Variants in GIT1 observed in about 807,000 individuals in gnomAD.
GIT1 encodes the protein ARF GTPase-activating protein GIT1.
GIT1 carries 14 observed loss-of-function variants against 91.7 expected under a neutral mutation model. The observed-to-expected ratio is 0.15, with a 90% CI of 0.10 to 0.24. The LOEUF (loss-of-function observed/expected upper bound fraction) is 0.24, where lower values mean the gene tolerates loss of function less well. Ranked by LOEUF, GIT1 falls within the 10% of genes least tolerant of loss-of-function variation. The pLI is 1.00. For synonymous variants in GIT1, 414 were observed against 418.2 expected, an observed-to-expected ratio of 0.99 and a Z score of 0.12; for missense variants, 717 against 1,024.9, an observed-to-expected ratio of 0.70 and a Z score of 4.10.
At position 29,578,763 on chromosome 17, in the gene GIT1, A is replaced by G; in HGVS notation, c.778T>C (p.Leu260=). The G allele has an allele frequency of 6.2e-7, 1 of 1,614,130 alleles. No individual in the cohort carries two copies. The highest frequency in any genetic ancestry group is 2.2e-5 in the East Asian group (1 of 44,884). ...QMADSLDLSE[L]AKAAKKKLQA... is the part of the protein sequence containing the mutation. The stretch of plus-strand genomic sequence containing the variant: ...AGCTTCTTCTTAGCAGCTTTGGCCA[A>G]TTCGGATAAGTCAAGGCTGAGGGCA... Residue 260 remains leucine (L), a synonymous_variant, in exon 8 of 20, where the codon TTG becomes CTG. Coordinates refer to ENST00000225394, the MANE Select transcript of GIT1 (RefSeq NM_014030.4).
intron 7 of GIT1, chr17:29,579,158 C>A: frequency 3.2e-6 from 2 of 629,814 alleles, no homozygotes; most frequent in South Asian, 3.8e-5. Context: ...CCCTCCTCCT[C>A]TGGCTTGCTC....
rs963255634 is a variant in GIT1 at position 29,583,689 on chromosome 17, G to A, written c.53-73C>T. 3.3e-5 allele frequency: 48 copies of A among 1,471,146 alleles called. No individual in the cohort carries two copies. In the Admixed American group the frequency reaches 6.8e-4, roughly 21 times the overall value. The allele number at this position is 1,471,146 out of a possible 1,614,324, so 91.1% of individuals were successfully genotyped here. On this transcript the variant is annotated intron_variant, in intron 1 of 19. Coordinates refer to ENST00000225394, the MANE Select transcript of GIT1 (RefSeq NM_014030.4). ...ACCTCCTGAGCACCTGCTCTGGCCC[G>A]TGCCAAGCCTAGTACTCTCCACACA...
In GIT1 at chr17:29,581,524, G is replaced by T. The variant is rs2033394946; in HGVS notation, c.719-144C>A. The T allele has an allele frequency of 6.8e-6, 5 of 735,780 alleles. No homozygotes were observed. In the South Asian group the frequency reaches 7.7e-5, roughly 11 times the overall value. 45.6% of individuals were successfully genotyped at this position (735,780 alleles called of 1,614,324 possible). On this transcript the variant is annotated intron_variant, in intron 6 of 19. Transcript: ENST00000225394. The surrounding 1 kb of genome is among the most constrained non-coding windows in gnomAD (Gnocchi z 4.8). ...GGGCAGGCCACCCCCAAGAATGCTG[G>T]GAGCTCGTGGGAGGATGCAGGATGC...
Position 29,582,754 on chromosome 17 carries a change from C to A in GIT1, c.349G>T (p.Val117Leu). The change falls in exon 4 of 20, where the codon GTG becomes TTG. Residue 117 changes from valine (V) to leucine (L), a missense_variant. Coordinates refer to ENST00000225394, the MANE Select transcript of GIT1 (RefSeq NM_014030.4). Reference sequence around the variant, plus strand: ...TCGTCCCGGCAGGGAAGCTTGTGCACAAATGCCAGCATCTGGTACTTGGCC... The same window carrying A: ...TCGTCCCGGCAGGGAAGCTTGTGCAAAAATGCCAGCATCTGGTACTTGGCC... ...IRAKYQMLAF[V>L]HKLPCRDDDG... 6.2e-7 allele frequency: 1 copy of A among 1,613,772 alleles called. No individual in the cohort carries two copies. Among genetic ancestry groups the A allele is most frequent in the East Asian group, 2.2e-5 (1 of 44,880 alleles).
At chr17:29,588,831 C>T (rs1428614472) in intron 1 of GIT1, among the ~76,000 whole-genome samples, 1 of 152,228 alleles carries the variant, frequency 6.6e-6, no homozygotes, top group Non-Finnish European at 1.5e-5. Flanking sequence ...GGTATTCAGG[C>T]CCCACTGGCG....
At chr17:29,579,074 C>A in intron 7 of GIT1, 1 of 1,205,898 alleles carries the variant, frequency 8.3e-7, no homozygotes. Context: ...CTTTTCACAT[C>A]AGGCCCAGAC....
intron 1 of GIT1, among the ~76,000 whole-genome samples, chr17:29,587,822 A>C (rs2033643160): frequency 6.6e-6 from 1 of 152,192 alleles, no homozygotes; most frequent in Non-Finnish European, 1.5e-5. Flanking sequence ...GCGCCTGCTA[A>C]GACTCTCCTC....
At chr17:29,583,913 GTC>G (rs2033492090) in intron 1 of GIT1, 1 of 419,550 alleles carries the variant, frequency 2.4e-6, no homozygotes, top group African/African-American at 2.0e-5. Context: ...ACTGCTACCA[GTC>G]TCTCAGCCTT....
At position 29,574,084 on chromosome 17, in the gene GIT1, C is replaced by T. The variant is rs1488384068; in HGVS notation, c.*618G>A. On this transcript the variant is annotated 3_prime_UTR_variant, in exon 20 of 20. Coordinates refer to ENST00000225394, the MANE Select transcript of GIT1 (RefSeq NM_014030.4). ...CTCAACACGCAGGCACGCGGGGGCA[C>T]TCAGTTACCACAAAGTTAAAATTAA... 2 of 151,956 alleles carry T rather than the reference C, an allele frequency of 1.3e-5. No individual in the cohort carries two copies. Among genetic ancestry groups the T allele is most frequent in the African/African-American group, 4.9e-5 (2 of 41,146 alleles). 9.4% of individuals were successfully genotyped at this position (151,956 alleles called of 1,614,324 possible).
At position 29,581,859 on chromosome 17, in the gene GIT1, A is replaced by G. The variant is rs926769672; in HGVS notation, c.624-23T>C. ...TGCCTGTGAGGAGGGGGTATGGCTC[A>G]GACCTGCAGCAGCAGCCCTCACCCA... is the stretch of plus-strand genomic sequence containing the variant. On this transcript the variant is annotated intron_variant, in intron 5 of 19. Transcript: ENST00000225394. The surrounding 1 kb of genome is among the most constrained non-coding windows in gnomAD (Gnocchi z 4.8). The G allele has an allele frequency of 2.5e-5, 40 of 1,611,570 alleles. No homozygotes were observed. Among genetic ancestry groups the G allele is most frequent in the Non-Finnish European group, 3.4e-5 (40 of 1,178,892 alleles).
chr17:29,577,610 T>C (rs776124447), intron 10 of GIT1, 35 bp downstream of exon 10: 13 of 1,367,014 alleles, frequency 9.5e-6, no homozygotes, highest in African/African-American at 1.4e-5. Context: ...GGGGATGAAG[T>C]AGACCACCCC....
intron 8 of GIT1, 113 bp downstream of exon 8, chr17:29,578,618 G>A: frequency 9.7e-7 from 1 of 1,032,888 alleles, no homozygotes. Flanking sequence ...GAGGGGACAG[G>A]TCAAAGACTT....
rs755976507 is a variant in GIT1 at position 29,589,423 on chromosome 17, G to A, written c.-45C>T. On this transcript the variant is annotated 5_prime_UTR_variant, in exon 1 of 20. Transcript: ENST00000225394. The surrounding 1 kb of genome is among the most constrained non-coding windows in gnomAD (Gnocchi z 5.2). ...GCAGCCCTCTGGGCCAGCGTGGGGG[G>A]CGCGGGCGGCGGGCCCGGGCGGCGG... 7.8e-4 allele frequency: 679 copies of A among 870,690 alleles called. No homozygotes were observed. Among genetic ancestry groups the A allele is most frequent in the Non-Finnish European group, 9.0e-4 (656 of 727,132 alleles). 53.9% of individuals were successfully genotyped at this position (870,690 alleles called of 1,614,324 possible).
In GIT1 at chr17:29,575,479, C is replaced by G. The variant is rs771544884; in HGVS notation, c.1827-9G>C. 7 of 1,596,852 alleles carry G rather than the reference C, an allele frequency of 4.4e-6. No individual in the cohort carries two copies. In the South Asian group the frequency reaches 7.8e-5, roughly 18 times the overall value. ...ACCTCTTCCCTTCCAGCCTGAGGCC[C>G]AGGTCCAGAAAACAGAGACAAAGAT... On this transcript the variant is annotated splice_polypyrimidine_tract_variant and intron_variant, in intron 17 of 19. Coordinates refer to ENST00000225394, the MANE Select transcript of GIT1 (RefSeq NM_014030.4). The surrounding 1 kb of genome is among the most constrained non-coding windows in gnomAD (Gnocchi z 5.5).
chr17:29,574,631 A>T lies in GIT1; in HGVS notation c.*71T>A. On this transcript the variant is annotated 3_prime_UTR_variant, in exon 20 of 20. Transcript: ENST00000225394. ...CAGTGGCTCTGTTGGGGTGGGGATT[A>T]ATGTCTGGAGTGGCCCAGCTCCTAT... 1 of 1,225,840 alleles carries T rather than the reference A, an allele frequency of 8.2e-7. No homozygotes were observed. The highest frequency in any genetic ancestry group is 2.3e-5 in the East Asian group (1 of 43,012). 75.9% of individuals were successfully genotyped at this position (1,225,840 alleles called of 1,614,324 possible).
At position 29,577,172 on chromosome 17, in the gene GIT1, G is replaced by T. The variant is rs202085570; in HGVS notation, c.1057C>A (p.Arg353=). ...CTCAGGCTCTTGCCCTGCTGTCTCC[G>T]CTTGGCCTCACTGAGAATGTCGATG... ...LIIDILSEAK[R]RQQGKSLSSP... is the part of the protein sequence containing the mutation. The change falls in exon 11 of 20, where the codon CGG becomes AGG. Residue 353 remains arginine (R), a synonymous_variant. Coordinates refer to ENST00000225394, the MANE Select transcript of GIT1 (RefSeq NM_014030.4). The T allele has an allele frequency of 1.9e-6, 3 of 1,613,880 alleles. No homozygotes were observed. Among genetic ancestry groups the T allele is most frequent in the South Asian group, 1.1e-5 (1 of 91,086 alleles).
At position 29,576,424 on chromosome 17, in the gene GIT1, C is replaced by T. The variant is rs2033203948; in HGVS notation, c.1407G>A (p.Leu469=). Residue 469 remains leucine (L), a synonymous_variant, in exon 14 of 20, where the codon CTG becomes CTA. Coordinates refer to ENST00000225394, the MANE Select transcript of GIT1 (RefSeq NM_014030.4). ...CCGGCCCTGGAGGCTGCCGGAGCTGCAGGTTCTCCGCCTGCAGCTTGTGGA... is the reference window on the plus strand; with the variant it reads ...CCGGCCCTGGAGGCTGCCGGAGCTGTAGGTTCTCCGCCTGCAGCTTGTGGA... ...REIHKLQAEN[L]QLRQPPGPVP... 1.2e-6 allele frequency: 2 copies of T among 1,612,852 alleles called. No individual in the cohort carries two copies. Among genetic ancestry groups the T allele is most frequent in the African/African-American group, 1.3e-5 (1 of 74,898 alleles).
Position 29,573,488 on chromosome 17 carries a change from T to C in GIT1, c.*1214A>G, listed in dbSNP as rs538317795. The C allele has an allele frequency of 6.5e-6, 1 of 152,760 alleles. No homozygotes were observed. The highest frequency in any genetic ancestry group is 2.1e-4 in the South Asian group (1 of 4,836). 9.5% of individuals were successfully genotyped at this position (152,760 alleles called of 1,614,324 possible). On this transcript the variant is annotated 3_prime_UTR_variant, in exon 20 of 20. Coordinates refer to ENST00000225394, the MANE Select transcript of GIT1 (RefSeq NM_014030.4). ...ATCAGAAACAGCTCATGGTCACTTC[T>C]TTATTTTTGATACAAATGTACATGA...
chr17:29,577,336 G>A, intron 10 of GIT1, 89 bp from the exon 11 acceptor site: 1 of 1,014,156 alleles, frequency 9.9e-7, no homozygotes, highest in Non-Finnish European at 1.5e-6. Flanking sequence ...GCATGGCTCT[G>A]CCATTTAATT....
Sources: allele counts gnomAD v4.1 joint callset (sites outside exome capture counted in the v4.1 genomes callset), GRCh38; gene constraint gnomAD v4.1.1; non-coding constraint Gnocchi (gnomAD v3.1); transcripts MANE v1.5; gene names NCBI Gene and HGNC (gene_info 2026-07-23, HGNC 2026-07-21).